POU3F1: variants seen among roughly 807,000 people sequenced by gnomAD.
POU3F1 encodes the protein POU class 3 homeobox 1.
In POU3F1, 1 loss-of-function variant was observed where a neutral mutation model predicts 7.6. The observed-to-expected ratio is 0.13, with a 90% confidence interval of 0.05 to 0.62. The LOEUF (loss-of-function observed/expected upper bound fraction) is 0.62. POU3F1 is among the 20% of genes least tolerant of loss of function. The probability of loss-of-function intolerance (pLI) is 0.87; values close to 1 mark genes in which losing one functional copy is unlikely to be tolerated. For synonymous variants in POU3F1, 354 were observed against 339.0 expected (o/e 1.04, Z -0.49); for missense variants, 505 against 679.3 (o/e 0.74, Z 2.85).
Position 38,046,168 on chromosome 1 carries a change from G to A in POU3F1, c.576C>T (p.His192=). The stretch of plus-strand genomic sequence containing the variant: ...CCAGCTGCGCCTCGTGGCCATCCTC[G>A]TGCAGCGCGTGGTGCAGGCCCGGCC... ...GAGPGLHHAL[H]EDGHEAQLEP... The change falls in exon 1 of 1, where the codon CAC becomes CAT. Residue 192 remains histidine (H), a synonymous_variant. Coordinates refer to ENST00000373012, the MANE Select transcript of POU3F1 (RefSeq NM_002699.4). This position sits in a 1 kb window ranked among gnomAD's most constrained non-coding sequence, Gnocchi z 9.5. 1 of 1,359,852 alleles carries A rather than the reference G, an allele frequency of 7.4e-7. No individual in the cohort carries two copies. The highest frequency in any genetic ancestry group is 1.6e-5 in the African/African-American group (1 of 64,312). 84.2% of individuals were successfully genotyped at this position (1,359,852 alleles called of 1,614,324 possible).
In POU3F1 at chr1:38,045,359, G is replaced by T; in HGVS notation, c.*29C>A. ...GCGGGCTGCGCGCCCGCGCCCTGCA[G>T]CGCGCCGGCGGGGGCCCGGCCCGCG... is the stretch of plus-strand genomic sequence containing the variant. On this transcript the variant is annotated 3_prime_UTR_variant, in exon 1 of 1. Transcript: ENST00000373012. This position sits in a 1 kb window ranked among gnomAD's most constrained non-coding sequence, Gnocchi z 9.4. The T allele has an allele frequency of 9.0e-7, 1 of 1,106,722 alleles. No homozygotes were observed. The highest frequency in any genetic ancestry group is 1.1e-6 in the Non-Finnish European group (1 of 894,806). The allele number at this position is 1,106,722 out of a possible 1,614,324, so 68.6% of individuals were successfully genotyped here.
At position 38,045,925 on chromosome 1, in the gene POU3F1, C is replaced by T; in HGVS notation, c.819G>A (p.Gln273=). Residue 273 remains glutamine, a synonymous_variant, in exon 1 of 1, where the codon CAG becomes CAA. Transcript: ENST00000373012. The surrounding 1 kb of genome is among the most constrained non-coding windows in gnomAD (Gnocchi z 9.4). ...KQRRIKLGFT[Q]ADVGLALGTL... Reference sequence around the variant, plus strand: ...TGCCCAGCGCCAGCCCCACGTCGGCCTGCGTAAAGCCCAGCTTGATGCGCC... The same window carrying T: ...TGCCCAGCGCCAGCCCCACGTCGGCTTGCGTAAAGCCCAGCTTGATGCGCC... 1 of 1,613,622 alleles carries T rather than the reference C, an allele frequency of 6.2e-7. No individual in the cohort carries two copies. The highest frequency in any genetic ancestry group is 8.5e-7 in the Non-Finnish European group (1 of 1,179,986).
In POU3F1 at chr1:38,044,171, G is replaced by T. The variant is rs1646844910; in HGVS notation, c.*1217C>A. 6.6e-6 allele frequency among the ~76,000 whole-genome samples: 1 copy of T among 152,126 alleles called. No individual in the cohort carries two copies. Among genetic ancestry groups the T allele is most frequent in the Non-Finnish European group, 1.5e-5 (1 of 68,018 alleles). On this transcript the variant is annotated 3_prime_UTR_variant, in exon 1 of 1. Coordinates refer to ENST00000373012, the MANE Select transcript of POU3F1 (RefSeq NM_002699.4). ...CCGGAAAACCAAAAATAAAAACCAA[G>T]CACAAAATGTTTCTTCTCCCCGCCA...
rs1256282756 is a variant in POU3F1 at position 38,046,393 on chromosome 1, C to T, written c.351G>A (p.Val117=). ...GGGGGFHARL[V]HQGAAHAGAA... ...CGCCCGCGTGGGCCGCCCCCTGGTG[C>T]ACCAGGCGCGCGTGGAAACCTCCGC... Residue 117 remains valine (V), a synonymous_variant, in exon 1 of 1, where the codon GTG becomes GTA. Transcript: ENST00000373012. This position sits in a 1 kb window ranked among gnomAD's most constrained non-coding sequence, Gnocchi z 9.5. The T allele has an allele frequency of 8.0e-7, 1 of 1,248,110 alleles. No individual in the cohort carries two copies. The highest frequency in any genetic ancestry group is 1.6e-5 in the African/African-American group (1 of 62,818). 77.3% of individuals were successfully genotyped at this position (1,248,110 alleles called of 1,614,324 possible).
At position 38,044,871 on chromosome 1, in the gene POU3F1, T is replaced by TG. The variant is rs1314154168; in HGVS notation, c.*516dup. The TG allele has an allele frequency of 6.6e-6, 1 of 151,576 alleles. No homozygotes were observed. Among genetic ancestry groups the TG allele is most frequent in the Non-Finnish European group, 1.5e-5 (1 of 67,894 alleles). 9.4% of individuals were successfully genotyped at this position (151,576 alleles called of 1,614,324 possible). On this transcript the variant is annotated 3_prime_UTR_variant, in exon 1 of 1. Coordinates refer to ENST00000373012, the MANE Select transcript of POU3F1 (RefSeq NM_002699.4). ...AGCCCGGAGAAAGGGGAAAGCGGGGTGGGGCGCATCCTTATAGGAGAGAAG... is the reference window on the plus strand; with the variant it reads ...AGCCCGGAGAAAGGGGAAAGCGGGGTGGGGGCGCATCCTTATAGGAGAGAAG...
In POU3F1 at chr1:38,045,937, C is replaced by G; in HGVS notation, c.807G>C (p.Leu269=). The change falls in exon 1 of 1, where the codon CTG becomes CTC. Residue 269 remains leucine (L), a synonymous_variant. Transcript: ENST00000373012. This position sits in a 1 kb window ranked among gnomAD's most constrained non-coding sequence, Gnocchi z 9.4. ...GCCCCACGTCGGCCTGCGTAAAGCC[C>G]AGCTTGATGCGCCGCTGCTTGAACT... ...AKQFKQRRIK[L]GFTQADVGLA... is the part of the protein sequence containing the mutation. The G allele has an allele frequency of 6.2e-7, 1 of 1,613,510 alleles. No homozygotes were observed. Among genetic ancestry groups the G allele is most frequent in the Non-Finnish European group, 8.5e-7 (1 of 1,179,984 alleles).
In POU3F1 at chr1:38,045,942, T is replaced by C. The variant is rs1210706209; in HGVS notation, c.802A>G (p.Lys268Glu). Reference sequence around the variant, plus strand: ...ACGTCGGCCTGCGTAAAGCCCAGCTTGATGCGCCGCTGCTTGAACTGCTTG... The same window carrying C: ...ACGTCGGCCTGCGTAAAGCCCAGCTCGATGCGCCGCTGCTTGAACTGCTTG... The part of the protein sequence containing the change: ...FAKQFKQRRI[K>E]LGFTQADVGL... The change falls in exon 1 of 1, where the codon AAG (lysine) becomes GAG (glutamate). Residue 268 changes from lysine to glutamate, a missense_variant. Lys to Glu is a moderately conservative substitution (Grantham distance 56). Around this residue, in one of 5 missense-constraint regions of POU3F1, gnomAD observed 26 missense variants for 99.9 expected, o/e 0.26. Transcript: ENST00000373012. The surrounding 1 kb of genome is among the most constrained non-coding windows in gnomAD (Gnocchi z 9.4). 1 of 1,613,402 alleles carries C rather than the reference T, an allele frequency of 6.2e-7. No homozygotes were observed. Among genetic ancestry groups the C allele is most frequent in the South Asian group, 1.1e-5 (1 of 91,066 alleles).
Position 38,045,685 on chromosome 1 carries a change from C to G in POU3F1, c.1059G>C (p.Ala353=). ...GGCACTTGAGAAAGTGGCTCTCGAG[C>G]GCGCCTTTGACCCCCACCTCGATGG... ...RTSIEVGVKG[A]LESHFLKCPK... The change falls in exon 1 of 1, where the codon GCG becomes GCC. Residue 353 remains alanine, a synonymous_variant. Transcript: ENST00000373012. This position sits in a 1 kb window ranked among gnomAD's most constrained non-coding sequence, Gnocchi z 9.4. 1.2e-6 allele frequency: 2 copies of G among 1,613,100 alleles called. No homozygotes were observed. The highest frequency in any genetic ancestry group is 1.7e-6 in the Non-Finnish European group (2 of 1,179,616).
Position 38,045,924 on chromosome 1 carries a change from C to A in POU3F1, c.820G>T (p.Ala274Ser). 1 of 1,613,638 alleles carries A rather than the reference C, an allele frequency of 6.2e-7. No individual in the cohort carries two copies. Among genetic ancestry groups the A allele is most frequent in the East Asian group, 2.2e-5 (1 of 44,860 alleles). The change falls in exon 1 of 1, where the codon GCC becomes TCC. Residue 274 changes from alanine (A) to serine (S), a missense_variant. Ala to Ser is a moderately conservative substitution (Grantham distance 99). This residue lies in a region of POU3F1 where 26 missense variants were observed against 99.9 expected (regional missense o/e 0.26). Transcript: ENST00000373012. This position sits in a 1 kb window ranked among gnomAD's most constrained non-coding sequence, Gnocchi z 9.4. ...QRRIKLGFTQ[A>S]DVGLALGTLY... ...GTGCCCAGCGCCAGCCCCACGTCGG[C>A]CTGCGTAAAGCCCAGCTTGATGCGC...
Position 38,045,577 on chromosome 1 carries a change from G to A in POU3F1, c.1167C>T (p.Asn389=), listed in dbSNP as rs1201607922. 6.2e-7 allele frequency: 1 copy of A among 1,612,062 alleles called. No homozygotes were observed. The highest frequency in any genetic ancestry group is 8.5e-7 in the Non-Finnish European group (1 of 1,179,272). Residue 389 remains asparagine, a synonymous_variant, in exon 1 of 1, where the codon AAC becomes AAT. Transcript: ENST00000373012. The surrounding 1 kb of genome is among the most constrained non-coding windows in gnomAD (Gnocchi z 9.4). ...TCATGCGCTTCTCCTTCTGCCGCCG[G>A]TTGCAGAACCAGACGCGCACCACCT... is the stretch of plus-strand genomic sequence containing the variant. The part of the protein sequence containing the change: ...EKEVVRVWFC[N]RRQKEKRMTP...
chr1:38,046,155 C>T lies in POU3F1; in HGVS notation c.589G>A (p.Glu197Lys). Reference sequence around the variant, plus strand: ...GGCGGCGACGGCTCCAGCTGCGCCTCGTGGCCATCCTCGTGCAGCGCGTGG... The same window carrying T: ...GGCGGCGACGGCTCCAGCTGCGCCTTGTGGCCATCCTCGTGCAGCGCGTGG... ...LHHALHEDGH[E>K]AQLEPSPPPH... The change falls in exon 1 of 1, where the codon GAG becomes AAG. Residue 197 changes from glutamate (E) to lysine (K), a missense_variant. Around this residue, in one of 5 missense-constraint regions of POU3F1, gnomAD observed 361 missense variants for 382.1 expected, o/e 0.94. Coordinates refer to ENST00000373012, the MANE Select transcript of POU3F1 (RefSeq NM_002699.4). This position sits in a 1 kb window ranked among gnomAD's most constrained non-coding sequence, Gnocchi z 9.5. 1.4e-6 allele frequency: 2 copies of T among 1,386,210 alleles called. No homozygotes were observed. The highest frequency in any genetic ancestry group is 1.9e-6 in the Non-Finnish European group (2 of 1,070,694). The allele number at this position is 1,386,210 out of a possible 1,614,324, so 85.9% of individuals were successfully genotyped here. A position where few individuals can be genotyped will look rare whatever the true frequency, so the allele number is the denominator to read the frequency against.
Position 38,046,500 on chromosome 1 carries a change from C to T in POU3F1, c.244G>A (p.Gly82Ser), listed in dbSNP as rs1158016689. The T allele has an allele frequency of 1.4e-6, 2 of 1,385,524 alleles. No homozygotes were observed. The highest frequency in any genetic ancestry group is 1.5e-5 in the African/African-American group (1 of 66,214). 85.8% of individuals were successfully genotyped at this position (1,385,524 alleles called of 1,614,324 possible). The stretch of plus-strand genomic sequence containing the variant: ...AGGTGCGGGCCGCCGGCCCAATCGC[C>T]GCCGCCGCCTCCTCCCGTGGGTAGC... ...QWLPTGGGGG[G>S]DWAGGPHLEH... is the part of the protein sequence containing the mutation. Residue 82 changes from glycine (G) to serine (S), a missense_variant, in exon 1 of 1, where the codon GGC becomes AGC. Coordinates refer to ENST00000373012, the MANE Select transcript of POU3F1 (RefSeq NM_002699.4). The surrounding 1 kb of genome is among the most constrained non-coding windows in gnomAD (Gnocchi z 9.5).
Position 38,046,526 on chromosome 1 carries a change from C to A in POU3F1, c.218G>T (p.Trp73Leu). The change falls in exon 1 of 1, where the codon TGG (tryptophan) becomes TTG (leucine). Residue 73 changes from tryptophan to leucine, a missense_variant. Around this residue, in one of 5 missense-constraint regions of POU3F1, gnomAD observed 361 missense variants for 382.1 expected, o/e 0.94. Transcript: ENST00000373012. The surrounding 1 kb of genome is among the most constrained non-coding windows in gnomAD (Gnocchi z 9.5). ...GCCGCCGCCTCCTCCCGTGGGTAGC[C>A]ACTGGGGGTGCGCTAGGCCCACGGG... The part of the protein sequence containing the change: ...GHPVGLAHPQ[W>L]LPTGGGGGGD... The A allele has an allele frequency of 7.2e-7, 1 of 1,382,034 alleles. No individual in the cohort carries two copies. The highest frequency in any genetic ancestry group is 9.4e-7 in the Non-Finnish European group (1 of 1,066,820). 85.6% of individuals were successfully genotyped at this position (1,382,034 alleles called of 1,614,324 possible).
Position 38,046,410 on chromosome 1 carries a change from A to T in POU3F1, c.334T>A (p.Phe112Ile). 1 of 1,264,276 alleles carries T rather than the reference A, an allele frequency of 7.9e-7. No homozygotes were observed. 78.3% of individuals were successfully genotyped at this position (1,264,276 alleles called of 1,614,324 possible). ...RADDGGGGGG[F>I]HARLVHQGAA... is the part of the protein sequence containing the mutation. ...CCCTGGTGCACCAGGCGCGCGTGGA[A>T]ACCTCCGCCGCCGCCGCCGTCGTCG... The change falls in exon 1 of 1, where the codon TTC (phenylalanine) becomes ATC (isoleucine). Residue 112 changes from phenylalanine to isoleucine, a missense_variant. This residue lies in a region of POU3F1 where 361 missense variants were observed against 382.1 expected (regional missense o/e 0.94). Transcript: ENST00000373012. The surrounding 1 kb of genome is among the most constrained non-coding windows in gnomAD (Gnocchi z 9.5).
rs1414006422 is a variant in POU3F1, at chr1:38,046,490, G to A, written c.254C>T (p.Ala85Val). ...PTGGGGGGDW[A>V]GGPHLEHGKA... ...GCCGTGTTCTAGGTGCGGGCCGCCG[G>A]CCCAATCGCCGCCGCCGCCTCCTCC... The change falls in exon 1 of 1, where the codon GCC becomes GTC. Residue 85 changes from alanine to valine, a missense_variant. By Grantham distance (64) the Ala-to-Val change is moderately conservative. Transcript: ENST00000373012. This position sits in a 1 kb window ranked among gnomAD's most constrained non-coding sequence, Gnocchi z 9.5. 1 of 1,379,524 alleles carries A rather than the reference G, an allele frequency of 7.2e-7. No individual in the cohort carries two copies. Among genetic ancestry groups the A allele is most frequent in the Non-Finnish European group, 9.4e-7 (1 of 1,065,770 alleles). 85.5% of individuals were successfully genotyped at this position (1,379,524 alleles called of 1,614,324 possible).
Position 38,045,335 on chromosome 1 carries a change from C to T in POU3F1, c.*53G>A. On this transcript the variant is annotated 3_prime_UTR_variant, in exon 1 of 1. Coordinates refer to ENST00000373012, the MANE Select transcript of POU3F1 (RefSeq NM_002699.4). The surrounding 1 kb of genome is among the most constrained non-coding windows in gnomAD (Gnocchi z 9.4). ...ACAAAAAGAGTCCAGGCCGCGCGGG[C>T]GGGCTGCGCGCCCGCGCCCTGCAGC... 1 of 743,154 alleles carries T rather than the reference C, an allele frequency of 1.3e-6. No homozygotes were observed. The highest frequency in any genetic ancestry group is 1.7e-6 in the Non-Finnish European group (1 of 586,602). The allele number at this position is 743,154 out of a possible 1,614,324, so 46.0% of individuals were successfully genotyped here. A position where few individuals can be genotyped will look rare whatever the true frequency, so the allele number is the denominator to read the frequency against.
At position 38,045,592 on chromosome 1, in the gene POU3F1, G is replaced by A. The variant is rs750258483; in HGVS notation, c.1152C>T (p.Arg384=). 3.7e-6 allele frequency: 6 copies of A among 1,612,620 alleles called. No individual in the cohort carries two copies. The highest frequency in any genetic ancestry group is 1.3e-5 in the African/African-American group (1 of 74,882). Residue 384 remains arginine (R), a synonymous_variant, in exon 1 of 1, where the codon CGC becomes CGT. Coordinates refer to ENST00000373012, the MANE Select transcript of POU3F1 (RefSeq NM_002699.4). The surrounding 1 kb of genome is among the most constrained non-coding windows in gnomAD (Gnocchi z 9.4). ...DSLQLEKEVV[R]VWFCNRRQKE... ...TCTGCCGCCGGTTGCAGAACCAGACGCGCACCACCTCCTTCTCCAGCTGCA... is the reference window on the plus strand; with the variant it reads ...TCTGCCGCCGGTTGCAGAACCAGACACGCACCACCTCCTTCTCCAGCTGCA...
At position 38,045,208 on chromosome 1, in the gene POU3F1, C is replaced by A. The variant is rs1646851241; in HGVS notation, c.*180G>T. 5.4e-6 allele frequency: 1 copy of A among 184,298 alleles called. No homozygotes were observed. Among genetic ancestry groups the A allele is most frequent in the African/African-American group, 2.4e-5 (1 of 41,834 alleles). 11.4% of individuals were successfully genotyped at this position (184,298 alleles called of 1,614,324 possible). A position where few individuals can be genotyped will look rare whatever the true frequency, so the allele number is the denominator to read the frequency against. ...CCGGGGCTCGGGCGACGCAGCCTACCGGGCTGTCTTCGCCGCTCACCGGAG... is the reference window on the plus strand; with the variant it reads ...CCGGGGCTCGGGCGACGCAGCCTACAGGGCTGTCTTCGCCGCTCACCGGAG... On this transcript the variant is annotated 3_prime_UTR_variant, in exon 1 of 1. Transcript: ENST00000373012. The surrounding 1 kb of genome is among the most constrained non-coding windows in gnomAD (Gnocchi z 9.4).
In POU3F1 at chr1:38,046,623, G is replaced by T; in HGVS notation, c.121C>A (p.His41Asn). The part of the protein sequence containing the change: ...AAAAAAAERL[H>N]AGAAYREVQK... Reference sequence around the variant, plus strand: ...ACTTCGCGGTACGCGGCCCCTGCATGCAATCGCTCCGCGGCCGCCGCCGCC... The same window carrying T: ...ACTTCGCGGTACGCGGCCCCTGCATTCAATCGCTCCGCGGCCGCCGCCGCC... The change falls in exon 1 of 1, where the codon CAT becomes AAT. Residue 41 changes from histidine to asparagine, a missense_variant. By Grantham distance (68) the His-to-Asn change is moderately conservative (BLOSUM62 1). Around this residue, in one of 5 missense-constraint regions of POU3F1, gnomAD observed 361 missense variants for 382.1 expected, o/e 0.94. Coordinates refer to ENST00000373012, the MANE Select transcript of POU3F1 (RefSeq NM_002699.4). This position sits in a 1 kb window ranked among gnomAD's most constrained non-coding sequence, Gnocchi z 9.5. 7.4e-7 allele frequency: 1 copy of T among 1,352,868 alleles called. No homozygotes were observed. The highest frequency in any genetic ancestry group is 1.6e-5 in the South Asian group (1 of 61,274). 83.8% of individuals were successfully genotyped at this position (1,352,868 alleles called of 1,614,324 possible). A position where few individuals can be genotyped will look rare whatever the true frequency, so the allele number is the denominator to read the frequency against.
Sources: allele counts gnomAD v4.1 joint callset (sites outside exome capture counted in the v4.1 genomes callset), GRCh38; gene constraint gnomAD v4.1.1; regional missense constraint gnomAD v4.1.1; non-coding constraint Gnocchi (gnomAD v3.1); transcripts MANE v1.5; gene names NCBI Gene and HGNC (gene_info 2026-07-23, HGNC 2026-07-21).